Variants in FOXP2 observed in about 807,000 individuals in gnomAD.
FOXP2 encodes forkhead box P2.
FOXP2 carries 12 observed loss-of-function variants against 115.8 expected under a neutral mutation model. That is an observed-to-expected ratio of 0.10 (90% CI 0.07 to 0.17). FOXP2 has a LOEUF of 0.17. FOXP2 is among the 10% of genes least tolerant of loss of function. The pLI is 1.00. For missense variants in FOXP2, 629 were observed against 843.5 expected (o/e 0.75, Z 3.15); for synonymous variants, 328 against 297.7 (o/e 1.10, Z -1.05).
chr7:114,570,950 A>T (rs533167204), intron 3 of FOXP2: 1 of 1,320,330 alleles, frequency 7.6e-7, no homozygotes, highest in Non-Finnish European at 1.1e-6. Flanking sequence ...CCCACTAAAT[A>T]GATTATATGT....
At chr7:114,657,993 C>CA in intron 10 of FOXP2, 73 bp from the exon 11 acceptor site, 2 of 1,545,732 alleles carry the variant, frequency 1.3e-6, no homozygotes, top group South Asian at 2.2e-5. Context: ...AATCCACTCT[C>CA]ATTTGTCAAA....
intron 2 of FOXP2, among the ~76,000 whole-genome samples, chr7:114,450,931 T>C (rs955797889): frequency 1.3e-5 from 2 of 152,072 alleles, no homozygotes; most frequent in Non-Finnish European, 2.9e-5. Flanking sequence ...CACAAGTTGG[T>C]TTAATTTTTT....
chr7:114,581,848 G>T (rs1801886700), intron 3 of FOXP2, among the ~76,000 whole-genome samples: 1 of 152,220 alleles, frequency 6.6e-6, no homozygotes, highest in African/African-American at 2.4e-5. Context: ...ATTAAAGACT[G>T]AAATGTGGGT....
intron 2 of FOXP2, among the ~76,000 whole-genome samples, chr7:114,323,534 C>G (rs1333710294): frequency 6.6e-6 from 1 of 151,982 alleles, no homozygotes; most frequent in East Asian, 1.9e-4. Flanking sequence ...AAAAGGTAAT[C>G]ATTCTAAGTC....
chr7:114,386,080 T>C (rs1039378522), intron 2 of FOXP2, among the ~76,000 whole-genome samples: 1 of 152,204 alleles, frequency 6.6e-6, no homozygotes, highest in African/African-American at 2.4e-5. Context: ...GGAGTGGCAA[T>C]GGGAGTCTCG....
chr7:114,553,828 A>G lies in FOXP2; in HGVS notation c.258+19122A>G, dbSNP rs1263747401. Among the ~76,000 whole-genome samples the G allele has an allele frequency of 5.3e-5, 8 of 152,158 alleles. No homozygotes were observed. The South Asian group carries it at 1.7e-3, about 32-fold the overall frequency. ...GGAATCCAGTTTTGAAAAAGGAAAT[A>G]TCAAAAAGATACCACAATGATCTAT... On this transcript the variant is annotated intron_variant, in intron 3 of 16. Coordinates refer to ENST00000350908, the MANE Select transcript of FOXP2 (RefSeq NM_014491.4).
intron 2 of FOXP2, among the ~76,000 whole-genome samples, chr7:114,380,833 A>T (rs374603538): frequency 6.6e-6 from 1 of 152,252 alleles, no homozygotes; most frequent in East Asian, 1.9e-4. Context: ...CAATGAGGCC[A>T]ACCCTTTGCC....
At chr7:114,450,951 CG>C (rs1334515693) in intron 2 of FOXP2, among the ~76,000 whole-genome samples, 3 of 151,878 alleles carry the variant, frequency 2.0e-5, no homozygotes, top group Admixed American at 1.3e-4. Flanking sequence ...TAAAGATACA[CG>C]TATAATTTTG....
chr7:114,261,761 C>T (rs796593600), intron 1 of FOXP2, among the ~76,000 whole-genome samples: 2 of 152,136 alleles, frequency 1.3e-5, no homozygotes, highest in African/African-American at 2.4e-5. Context: ...ACATTATCTT[C>T]TATCCTTAGA....
At chr7:114,470,424 T>C (rs1795995401) in intron 2 of FOXP2, among the ~76,000 whole-genome samples, 1 of 152,222 alleles carries the variant, frequency 6.6e-6, no homozygotes, top group East Asian at 1.9e-4. Flanking sequence ...AGTTATTTTA[T>C]GATACTTATT....
At chr7:114,551,908 T>G (rs1173269514) in intron 3 of FOXP2, among the ~76,000 whole-genome samples, 1 of 152,164 alleles carries the variant, frequency 6.6e-6, no homozygotes, top group Non-Finnish European at 1.5e-5. Context: ...TGACAAATAT[T>G]TATAACTACT....
chr7:114,630,641 C>T (rs1347201275), intron 5 of FOXP2: 2 of 153,978 alleles, frequency 1.3e-5, no homozygotes, highest in Non-Finnish European at 1.4e-5. Context: ...TTCAAGCTGC[C>T]CATTATGCAA....
chr7:114,293,622 T>A (rs1271014983), intron 2 of FOXP2, among the ~76,000 whole-genome samples: 1 of 152,194 alleles, frequency 6.6e-6, no homozygotes, highest in East Asian at 1.9e-4. Flanking sequence ...GATAAGTGAA[T>A]CATGGGGCAG....
intron 1 of FOXP2, among the ~76,000 whole-genome samples, chr7:114,244,802 C>A (rs1795236513): frequency 6.6e-6 from 1 of 151,730 alleles, no homozygotes; most frequent in South Asian, 2.1e-4. Flanking sequence ...CGCTGTGTGG[C>A]CCAGGCGGGA....
In FOXP2 at chr7:114,414,892, TCA is replaced by T. The variant is rs1489192578; in HGVS notation, c.-469_-468del. The T allele has an allele frequency of 2.0e-5, 7 of 348,618 alleles. No individual in the cohort carries two copies. The highest frequency in any genetic ancestry group is 7.5e-5 in the Admixed American group (2 of 26,790). The allele number at this position is 348,618 out of a possible 1,614,324, so 21.6% of individuals were successfully genotyped here. A position where few individuals can be genotyped will look rare whatever the true frequency, so the allele number is the denominator to read the frequency against. ...CTCTCTCTCTCTGTCTTTCTCTCTCTCACACACACACTCACACACTCACACAC... is the reference window on the plus strand; with the variant it reads ...CTCTCTCTCTCTGTCTTTCTCTCTCTCACACACACTCACACACTCACACAC... On this transcript the variant is annotated 5_prime_UTR_variant, in exon 1 of 17. It removes the in-frame stop codon of an upstream open reading frame in the 5' UTR. Coordinates refer to ENST00000350908, the MANE Select transcript of FOXP2 (RefSeq NM_014491.4).
chr7:114,175,448 G>A (rs565569734), intron 1 of FOXP2, among the ~76,000 whole-genome samples: 4 of 152,088 alleles, frequency 2.6e-5, no homozygotes, highest in Admixed American at 6.6e-5. Flanking sequence ...GCGGTTTTGG[G>A]TCAGACACTA....
intron 1 of FOXP2, among the ~76,000 whole-genome samples, chr7:114,207,274 GTT>G (rs1778590888): frequency 6.6e-6 from 1 of 152,074 alleles, no homozygotes; most frequent in African/African-American, 2.4e-5. Flanking sequence ...GAGCATTCAT[GTT>G]TTCATGTGGA....
chr7:114,086,429 G>A, upstream of FOXP2: 1 of 345,102 alleles, frequency 2.9e-6, no homozygotes, highest in South Asian at 2.1e-5. Context: ...GCCCGCCCCG[G>A]TTATTTATGC....
At chr7:114,586,432 G>T (rs922522663) in intron 3 of FOXP2, among the ~76,000 whole-genome samples, 2 of 151,862 alleles carry the variant, frequency 1.3e-5, no homozygotes, top group Admixed American at 6.6e-5. Flanking sequence ...TTCTATTAAG[G>T]TTCCATTTAT....
Sources: gnomAD v4.1 joint callset for allele counts (sites outside exome capture counted in the v4.1 genomes callset) on GRCh38, gnomAD v4.1.1 for gene constraint, MANE v1.5 for transcripts, NCBI Gene and HGNC (gene_info 2026-07-23, HGNC 2026-07-21) for gene names.